Variants in AUTS2 observed in about 807,000 individuals in gnomAD.
The protein encoded by AUTS2 is activator of transcription and developmental regulator AUTS2.
AUTS2 carries 17 observed loss-of-function variants against 112.4 expected under a neutral mutation model. The observed-to-expected ratio is 0.15, with a 90% confidence interval of 0.10 to 0.23. The LOEUF (loss-of-function observed/expected upper bound fraction) is 0.23, where lower values mean the gene tolerates loss of function less well. Ranked by LOEUF, AUTS2 falls within the 10% of genes least tolerant of loss-of-function variation. AUTS2 has a pLI of 1.00. For synonymous variants in AUTS2, 751 were observed against 702.7 expected, an observed-to-expected ratio of 1.07 and a Z score of -1.09; for missense variants, 1,510 against 1,701.6, an observed-to-expected ratio of 0.89 and a Z score of 1.98.
At chr7:70,103,645 G>A (rs535847046) in intron 2 of AUTS2, among the ~76,000 whole-genome samples, 31 of 152,172 alleles carry the variant, frequency 2.0e-4, no homozygotes, top group East Asian at 1.5e-3. Context: ...AGTGGCTCAC[G>A]CCTGTAATCC....
intron 1 of AUTS2, among the ~76,000 whole-genome samples, chr7:69,633,086 C>G (rs1270451723): frequency 6.6e-6 from 1 of 152,142 alleles, no homozygotes; most frequent in African/African-American, 2.4e-5. Flanking sequence ...TCCTACATCT[C>G]CTCCATTTCC....
At chr7:69,745,337 A>G (rs969500937) in intron 1 of AUTS2, among the ~76,000 whole-genome samples, 1 of 152,138 alleles carries the variant, frequency 6.6e-6, no homozygotes, top group Non-Finnish European at 1.5e-5. Flanking sequence ...TACCTTTGTC[A>G]CCTGGTAATA....
chr7:70,558,480 A>C (rs907113949), intron 5 of AUTS2, among the ~76,000 whole-genome samples: 1 of 152,206 alleles, frequency 6.6e-6, no homozygotes, highest in African/African-American at 2.4e-5. Flanking sequence ...TGTCAGGAGC[A>C]GGCACAGTGA....
intron 2 of AUTS2, among the ~76,000 whole-genome samples, chr7:69,938,522 G>A (rs551954386): frequency 6.6e-6 from 1 of 152,336 alleles, no homozygotes; most frequent in South Asian, 2.1e-4. Flanking sequence ...ACCATTGTGA[G>A]ATTATAAATA....
rs1453210016 is a variant in AUTS2 at position 70,790,482 on chromosome 7, C to G, written c.3266C>G (p.Pro1089Arg). The G allele has an allele frequency of 6.2e-7, 1 of 1,612,436 alleles. No homozygotes were observed. Among genetic ancestry groups the G allele is most frequent in the Non-Finnish European group, 8.5e-7 (1 of 1,179,396 alleles). The stretch of plus-strand genomic sequence containing the variant: ...GAACTTGACATTCACCGGAGAGACC[C>G]GCTGGGCAGGGACTTCCTGCTAAGG... Reference protein sequence around the residue: ...YRELDIHRRDPLGRDFLLRND... With the variant: ...YRELDIHRRDRLGRDFLLRND... Residue 1089 changes from proline to arginine, a missense_variant, in exon 19 of 19, where the codon CCG (proline) becomes CGG (arginine). Coordinates refer to ENST00000342771, the MANE Select transcript of AUTS2 (RefSeq NM_015570.4). This position sits in a 1 kb window ranked among gnomAD's most constrained non-coding sequence, Gnocchi z 7.6.
At chr7:70,405,098 CACAA>C (rs1186383012) in intron 4 of AUTS2, among the ~76,000 whole-genome samples, 1 of 152,118 alleles carries the variant, frequency 6.6e-6, no homozygotes, top group African/African-American at 2.4e-5. Flanking sequence ...CTTTGGTTAG[CACAA>C]ACAGATTATG....
chr7:70,790,590 G>A lies in AUTS2; in HGVS notation c.3374G>A (p.Ser1125Asn), dbSNP rs866904889. 1 of 1,600,830 alleles carries A rather than the reference G, an allele frequency of 6.2e-7. No individual in the cohort carries two copies. The highest frequency in any genetic ancestry group is 8.5e-7 in the Non-Finnish European group (1 of 1,174,850). The change falls in exon 19 of 19, where the codon AGC (serine) becomes AAC (asparagine). Residue 1125 changes from serine to asparagine, a missense_variant. Ser to Asn is a conservative substitution (Grantham distance 46). Around this residue, in one of 3 missense-constraint regions of AUTS2, gnomAD observed 788 missense variants for 797.6 expected, o/e 0.99. Coordinates refer to ENST00000342771, the MANE Select transcript of AUTS2 (RefSeq NM_015570.4). This position sits in a 1 kb window ranked among gnomAD's most constrained non-coding sequence, Gnocchi z 7.6. ...SFRDREPHDY[S>N]HHHHHHHHPL... ...AGGGACCGGGAGCCTCACGACTACA[G>A]CCACCACCACCACCACCACCACCAC...
intron 4 of AUTS2, among the ~76,000 whole-genome samples, chr7:70,351,223 G>C (rs1226795774): frequency 6.6e-6 from 1 of 151,790 alleles, no homozygotes; most frequent in Non-Finnish European, 1.5e-5. Context: ...GCTAATTTTT[G>C]TATTTTTTTT....
chr7:69,871,385 A>T (rs1175644310), intron 1 of AUTS2, among the ~76,000 whole-genome samples: 1 of 152,116 alleles, frequency 6.6e-6, no homozygotes, highest in Non-Finnish European at 1.5e-5. Flanking sequence ...TCCCCCCTTT[A>T]TCCATGGGGA....
chr7:69,965,666 C>T (rs1797607785), intron 2 of AUTS2, among the ~76,000 whole-genome samples: 1 of 152,128 alleles, frequency 6.6e-6, no homozygotes, highest in South Asian at 2.1e-4. Flanking sequence ...GGAAAGATTT[C>T]AGGGAATTGA....
intron 1 of AUTS2, among the ~76,000 whole-genome samples, chr7:69,646,137 C>A (rs1480021952): frequency 6.6e-6 from 1 of 151,678 alleles, no homozygotes; most frequent in Non-Finnish European, 1.5e-5. Flanking sequence ...GGGAAAGGCC[C>A]CCTAAACCTT....
chr7:70,522,702 C>A (rs1253888651), intron 5 of AUTS2, among the ~76,000 whole-genome samples: 1 of 152,176 alleles, frequency 6.6e-6, no homozygotes, highest in Non-Finnish European at 1.5e-5. Context: ...ATCCAGTCCA[C>A]TGTTGATGGG....
intron 6 of AUTS2, among the ~76,000 whole-genome samples, chr7:70,739,188 G>A (rs1199392711): frequency 6.6e-6 from 1 of 151,226 alleles, no homozygotes; most frequent in Non-Finnish European, 1.5e-5. Flanking sequence ...CACTATGCCT[G>A]GCTAATGTTT....
At chr7:70,259,709 A>G (rs1012579171) in intron 4 of AUTS2, among the ~76,000 whole-genome samples, 1 of 152,176 alleles carries the variant, frequency 6.6e-6, no homozygotes, top group Non-Finnish European at 1.5e-5. Flanking sequence ...GTCTGCTAAG[A>G]GCTTGTAGAG....
At chr7:70,163,357 GGCAGAGGGGGA>G (rs1808212767) in intron 4 of AUTS2, among the ~76,000 whole-genome samples, 1 of 67,498 alleles carries the variant, frequency 1.5e-5, no homozygotes, top group African/African-American at 4.7e-5. Context: ...GGGGGGGGGG[GGCAGAGGGGGA>G]GGGAGAAGGA....
At chr7:70,102,475 C>T (rs1804551621) in intron 2 of AUTS2, among the ~76,000 whole-genome samples, 1 of 151,878 alleles carries the variant, frequency 6.6e-6, no homozygotes, top group Non-Finnish European at 1.5e-5. Context: ...TTACCATTAG[C>T]TACCAGCTGT....
At chr7:70,463,562 G>A (rs1421355501) in intron 5 of AUTS2, among the ~76,000 whole-genome samples, 1 of 152,222 alleles carries the variant, frequency 6.6e-6, no homozygotes, top group Non-Finnish European at 1.5e-5. Flanking sequence ...GCCTCTGATG[G>A]CTGATAAGCT....
At chr7:70,658,832 T>TTTA (rs1806917447) in intron 5 of AUTS2, among the ~76,000 whole-genome samples, 1 of 152,206 alleles carries the variant, frequency 6.6e-6, no homozygotes, top group Non-Finnish European at 1.5e-5. Flanking sequence ...CCAACTTTAA[T>TTTA]GACAGTCTGA....
Position 70,235,029 on chromosome 7 carries a change from G to A in AUTS2, c.660+100458G>A, listed in dbSNP as rs1303773075. On this transcript the variant is annotated intron_variant, in intron 4 of 18. Coordinates refer to ENST00000342771, the MANE Select transcript of AUTS2 (RefSeq NM_015570.4). ...CACTAGCTACTGTTAATAATTGAAG[G>A]ACTTTCCTCAAAATCCATGTATTAT... Among the ~76,000 whole-genome samples the A allele has an allele frequency of 2.0e-5, 3 of 152,196 alleles. No homozygotes were observed. The East Asian group carries it at 5.8e-4, about 29-fold the overall frequency.
Sources: gnomAD v4.1 joint callset for allele counts (sites outside exome capture counted in the v4.1 genomes callset) on GRCh38, gnomAD v4.1.1 for gene constraint, gnomAD v4.1.1 regional missense constraint, Gnocchi (gnomAD v3.1) non-coding constraint, MANE v1.5 for transcripts, NCBI Gene and HGNC (gene_info 2026-07-23, HGNC 2026-07-21) for gene names.